The following SGK2 variants were observed in gnomAD, a reference collection of about 807,000 sequenced individuals.
SGK2 encodes the protein serum/glucocorticoid regulated kinase 2, also known as serine/threonine-protein kinase Sgk2.
A neutral mutation model predicts 47.5 loss-of-function variants in SGK2; 36 were observed. The ratio of observed to expected loss-of-function variants is 0.76; its 90% CI spans 0.58 to 1.00. The LOEUF (loss-of-function observed/expected upper bound fraction) is 1.00. Ranked by LOEUF, SGK2 falls within the 50% of genes least tolerant of loss-of-function variation. SGK2 has a pLI of 0.00. For missense variants in SGK2, 404 were observed against 467.4 expected, an observed-to-expected ratio of 0.86 and a Z score of 1.25; for synonymous variants, 157 against 181.9, an observed-to-expected ratio of 0.86 and a Z score of 1.10.
At chr20:43,581,543 T>A (rs767267683) in intron 12 of SGK2, among the ~76,000 whole-genome samples, 1 of 152,116 alleles carries the variant, frequency 6.6e-6, no homozygotes, top group African/African-American at 2.4e-5. Context: ...ATTCTTTTTT[T>A]ATTTTTATTT....
chr20:43,583,695 A>G, intron 12 of SGK2: 1 of 773,036 alleles, frequency 1.3e-6, no homozygotes, highest in Non-Finnish European at 1.6e-6. Context: ...TTGGCTGGGC[A>G]TGGTAGTTCA....
chr20:43,563,724 A>T (rs1459207548), intron 1 of SGK2, among the ~76,000 whole-genome samples: 1 of 152,202 alleles, frequency 6.6e-6, no homozygotes, highest in Non-Finnish European at 1.5e-5. Flanking sequence ...TGTTATAAAT[A>T]GTGCTGCTGA....
chr20:43,567,595 A>G, intron 3 of SGK2, 70 bp from the exon 4 acceptor site: 1 of 1,411,450 alleles, frequency 7.1e-7, no homozygotes, highest in Non-Finnish European at 1.0e-6. Flanking sequence ...AAAGAAGCCC[A>G]GGTTTGTTCT....
Position 43,585,002 on chromosome 20 carries a change from A to G in SGK2, c.1090A>G (p.Ile364Val). The change falls in exon 13 of 13, where the codon ATC (isoleucine) becomes GTC (valine). Residue 364 changes from isoleucine to valine, a missense_variant. Ile to Val is a conservative substitution (Grantham distance 29). Coordinates refer to ENST00000373100, the MANE Select transcript of SGK2 (RefSeq NM_170693.3). ...TTCTTATGCGCCAGAGGATGATGAC[A>G]TCTTGGATTGCTAGAAGAGAAGGAC... ...GFSYAPEDDD[I>V]LDC is the part of the protein sequence containing the mutation. 1 of 1,613,710 alleles carries G rather than the reference A, an allele frequency of 6.2e-7. No individual in the cohort carries two copies. The highest frequency in any genetic ancestry group is 1.3e-5 in the African/African-American group (1 of 75,028).
chr20:43,581,591 C>T (rs1254915242), intron 12 of SGK2, among the ~76,000 whole-genome samples: 1 of 152,122 alleles, frequency 6.6e-6, no homozygotes, highest in African/African-American at 2.4e-5. Flanking sequence ...CTCGTTCGAT[C>T]GCCCATGTTG....
At position 43,585,068 on chromosome 20, in the gene SGK2, A is replaced by T; in HGVS notation, c.*52A>T. The T allele has an allele frequency of 6.5e-7, 1 of 1,533,584 alleles. No homozygotes were observed. The highest frequency in any genetic ancestry group is 8.9e-7 in the Non-Finnish European group (1 of 1,124,500). The allele number at this position is 1,533,584 out of a possible 1,614,324, so 95.0% of individuals were successfully genotyped here. On this transcript the variant is annotated 3_prime_UTR_variant, in exon 13 of 13. Coordinates refer to ENST00000373100, the MANE Select transcript of SGK2 (RefSeq NM_170693.3). ...GGCCAGCTGGTATTAGTAAGGAATT[A>T]CCTTCAGCTGCTAGGAAGAGCGACT...
At position 43,576,459 on chromosome 20, in the gene SGK2, C is replaced by G. The variant is rs115569849; in HGVS notation, c.849+80C>G. On this transcript the variant is annotated intron_variant, in intron 11 of 12. Coordinates refer to ENST00000373100, the MANE Select transcript of SGK2 (RefSeq NM_170693.3). ...GAGGCAGCTCAGAAGCACATTAACACGCATCCTGCTGCCTTCTAAAACCAG... is the reference window on the plus strand; with the variant it reads ...GAGGCAGCTCAGAAGCACATTAACAGGCATCCTGCTGCCTTCTAAAACCAG... The G allele has an allele frequency of 4.7e-4, 589 of 1,245,482 alleles. 4 individuals carry two copies. In the African/African-American group the frequency reaches 7.8e-3, roughly 17 times the overall value. 77.2% of individuals were successfully genotyped at this position (1,245,482 alleles called of 1,614,324 possible). A position where few individuals can be genotyped will look rare whatever the true frequency, so the allele number is the denominator to read the frequency against.
chr20:43,578,976 C>A (rs1001924453), intron 11 of SGK2, among the ~76,000 whole-genome samples: 1 of 150,522 alleles, frequency 6.6e-6, no homozygotes, highest in Non-Finnish European at 1.5e-5. Context: ...CAGAGGCAAC[C>A]AATGTTACCA....
In SGK2 at chr20:43,585,178, C is replaced by A; in HGVS notation, c.*162C>A. 1 of 591,476 alleles carries A rather than the reference C, an allele frequency of 1.7e-6. No individual in the cohort carries two copies. Among genetic ancestry groups the A allele is most frequent in the Non-Finnish European group, 2.9e-6 (1 of 350,018 alleles). 36.6% of individuals were successfully genotyped at this position (591,476 alleles called of 1,614,324 possible). On this transcript the variant is annotated 3_prime_UTR_variant, in exon 13 of 13. Transcript: ENST00000373100. Reference sequence around the variant, plus strand: ...ATAATGTTTCGGAGTCCAGGACTGGCAGGACAGGTCATCAGATACTCAGAG... The same window carrying A: ...ATAATGTTTCGGAGTCCAGGACTGGAAGGACAGGTCATCAGATACTCAGAG...
chr20:43,566,579 C>A, intron 2 of SGK2, 48 bp downstream of exon 2: 5 of 1,353,828 alleles, frequency 3.7e-6, no homozygotes, highest in Non-Finnish European at 5.2e-6. Flanking sequence ...TCACTTCTTC[C>A]CGAGGCTAAG....
At chr20:43,571,926 C>A in intron 8 of SGK2, 125 bp from the exon 9 acceptor site, 2 of 657,286 alleles carry the variant, frequency 3.0e-6, no homozygotes, top group Non-Finnish European at 5.6e-6. Context: ...GAGCCTCCAG[C>A]CTGTGCCTGG....
chr20:43,570,638 G>T lies in SGK2; in HGVS notation c.382G>T (p.Glu128Ter). 6.2e-7 allele frequency: 1 copy of T among 1,610,128 alleles called. No individual in the cohort carries two copies. The highest frequency in any genetic ancestry group is 8.5e-7 in the Non-Finnish European group (1 of 1,177,384). ...GGELFFHLQRERRFLEPRARF... is the reference protein window; with the variant it reads ...GGELFFHLQR ...CCAGCTCTTCTTCCACCTGCAGCGG[G>T]AGCGCCGGTTCCTGGAGCCCCGGGC... The change falls in exon 7 of 13, where the codon GAG becomes TAG. Residue 128 changes from glutamate (E) to a stop codon, truncating the protein, a stop_gained. Coordinates refer to ENST00000373100, the MANE Select transcript of SGK2 (RefSeq NM_170693.3). LOFTEE classifies it high-confidence loss of function.
chr20:43,568,074 TC>T, intron 5 of SGK2, 75 bp downstream of exon 5: 1 of 1,234,960 alleles, frequency 8.1e-7, no homozygotes, highest in Non-Finnish European at 1.2e-6. Context: ...CAAAGATGGG[TC>T]CCACCTCTGA....
At chr20:43,561,417 G>T (rs1979369322) in intron 1 of SGK2, among the ~76,000 whole-genome samples, 1 of 137,220 alleles carries the variant, frequency 7.3e-6, no homozygotes, top group African/African-American at 2.8e-5. Flanking sequence ...TTGAGACAGA[G>T]TCTTGCTCTG....
chr20:43,559,832 G>A (rs1351449969), intron 1 of SGK2, among the ~76,000 whole-genome samples: 1 of 152,180 alleles, frequency 6.6e-6, no homozygotes, highest in African/African-American at 2.4e-5. Context: ...CACCCCATTT[G>A]GCAGGGCCAG....
At chr20:43,570,419 C>T (rs1411267907) in intron 6 of SGK2, among the ~76,000 whole-genome samples, 198 bp from the exon 7 acceptor site, 1 of 152,226 alleles carries the variant, frequency 6.6e-6, no homozygotes, top group African/African-American at 2.4e-5. Flanking sequence ...GCAATGCTAA[C>T]TCATCTCTTC....
intron 12 of SGK2, chr20:43,583,307 G>C (rs766639587): frequency 1.6e-6 from 2 of 1,289,078 alleles, no homozygotes; most frequent in Non-Finnish European, 2.0e-6. Flanking sequence ...AGAGATGAAT[G>C]GACTTTAGAA....
At chr20:43,560,705 T>A (rs181918231) in intron 1 of SGK2, among the ~76,000 whole-genome samples, 2 of 152,332 alleles carry the variant, frequency 1.3e-5, no homozygotes, top group African/African-American at 4.8e-5. Context: ...CACATGTATG[T>A]TCCTGTTTTG....
rs140303557 is a variant in SGK2, at chr20:43,567,676, C to T, written c.98C>T (p.Thr33Met). ...GPSANPNAQPTDFDFLKVIGK... is the reference protein window; with the variant it reads ...GPSANPNAQPMDFDFLKVIGK... ...CCCTCTTCCCCCAGTGCCCAGCCCA[C>T]GGACTTCGACTTCCTCAAAGTCATC... Residue 33 changes from threonine to methionine, a missense_variant, in exon 4 of 13, where the codon ACG (threonine) becomes ATG (methionine). By Grantham distance (81) the Thr-to-Met change is moderately conservative. Transcript: ENST00000373100. The T allele has an allele frequency of 7.1e-5, 114 of 1,614,162 alleles. No homozygotes were observed. Among genetic ancestry groups the T allele is most frequent in the Middle Eastern group, 1.7e-4 (1 of 6,056 alleles).
Sources: gnomAD v4.1 joint callset for allele counts (sites outside exome capture counted in the v4.1 genomes callset) on GRCh38, gnomAD v4.1.1 for gene constraint, MANE v1.5 for transcripts, NCBI Gene and HGNC (gene_info 2026-07-23, HGNC 2026-07-21) for gene names.